GNAQ: variants seen among roughly 807,000 people sequenced by gnomAD.
GNAQ encodes the protein guanine nucleotide-binding protein G(q) subunit alpha.
A neutral mutation model predicts 43.9 loss-of-function variants in GNAQ; 8 were observed. The observed-to-expected ratio is 0.18, with a 90% confidence interval of 0.11 to 0.33. The LOEUF (loss-of-function observed/expected upper bound fraction) is 0.33, where lower values mean the gene tolerates loss of function less well. Ranked by LOEUF, GNAQ falls within the 10% of genes least tolerant of loss-of-function variation. The pLI, the probability that GNAQ is intolerant of heterozygous loss-of-function variation, is 1.00. For missense variants in GNAQ, 158 were observed against 450.8 expected, an observed-to-expected ratio of 0.35 and a Z score of 5.88; for synonymous variants, 155 against 170.7, an observed-to-expected ratio of 0.91 and a Z score of 0.71.
At chr9:77,800,770 C>A (rs573893621) in intron 3 of GNAQ, among the ~76,000 whole-genome samples, 1 of 151,942 alleles carries the variant, frequency 6.6e-6, no homozygotes, top group East Asian at 1.9e-4. Flanking sequence ...ACAACAACAA[C>A]AAAAATCAGA....
At chr9:77,762,046 G>A (rs1826041179) in intron 5 of GNAQ, among the ~76,000 whole-genome samples, 2 of 134,772 alleles carry the variant, frequency 1.5e-5, no homozygotes, top group South Asian at 2.4e-4. Flanking sequence ...CCCTCTGCCC[G>A]GCCAGCCGCC....
intron 5 of GNAQ, among the ~76,000 whole-genome samples, chr9:77,729,176 C>G (rs1350213432): frequency 6.6e-6 from 1 of 152,172 alleles, no homozygotes. Flanking sequence ...AGTTATTACT[C>G]TACACACACA....
intron 2 of GNAQ, among the ~76,000 whole-genome samples, chr9:77,851,612 G>A (rs1429190150): frequency 6.6e-6 from 1 of 152,114 alleles, no homozygotes; most frequent in Non-Finnish European, 1.5e-5. Context: ...ACGTATCTCT[G>A]CTCTAGTAAC....
intron 1 of GNAQ, among the ~76,000 whole-genome samples, chr9:77,987,261 G>C (rs1443921407): frequency 1.3e-5 from 2 of 152,050 alleles, no homozygotes; most frequent in African/African-American, 2.4e-5. Flanking sequence ...GTATCTCTTT[G>C]GGTCTGCAGA....
At chr9:77,808,322 ATCATCAGCATTCACCGAGGAAG>A (rs1826860134) in intron 3 of GNAQ, among the ~76,000 whole-genome samples, 1 of 151,382 alleles carries the variant, frequency 6.6e-6, no homozygotes, top group African/African-American at 2.4e-5. Flanking sequence ...ACATCTTAGA[ATCATCAGCATTCACCGAGGAAG>A]ACAAATGCAG....
At chr9:77,999,473 T>C (rs7044515) in intron 1 of GNAQ, among the ~76,000 whole-genome samples, 115,020 of 152,150 alleles carry the variant, frequency 0.76, 43,740 homozygotes, top group African/African-American at 0.81. Context: ...TTCAGTCACC[T>C]AAAGGAGTCA....
At chr9:77,990,423 T>C (rs1476709459) in intron 1 of GNAQ, among the ~76,000 whole-genome samples, 1 of 152,200 alleles carries the variant, frequency 6.6e-6, no homozygotes, top group Non-Finnish European at 1.5e-5. Flanking sequence ...AGTCTCACTA[T>C]GTTGCCTGGA....
At chr9:77,922,423 C>G (rs1829012713) in intron 1 of GNAQ, 78 bp from the exon 2 acceptor site, 1 of 984,460 alleles carries the variant, frequency 1.0e-6, no homozygotes, top group African/African-American at 1.6e-5. Context: ...AATACCATGC[C>G]TTGGATTTAA....
intron 5 of GNAQ, among the ~76,000 whole-genome samples, chr9:77,780,223 C>T (rs929640165): frequency 4.0e-5 from 6 of 151,810 alleles, no homozygotes; most frequent in African/African-American, 1.4e-4. Context: ...AGAACTTATT[C>T]CACCTATTTA....
chr9:77,842,794 G>C (rs775769313), intron 2 of GNAQ, among the ~76,000 whole-genome samples: 3 of 152,082 alleles, frequency 2.0e-5, no homozygotes, highest in Non-Finnish European at 4.4e-5. Context: ...ATGAACATAT[G>C]CATCTTTTAC....
chr9:77,966,204 A>C (rs1223290297), intron 1 of GNAQ, among the ~76,000 whole-genome samples: 1 of 152,166 alleles, frequency 6.6e-6, no homozygotes, highest in African/African-American at 2.4e-5. Flanking sequence ...AGGCACAGGC[A>C]ACCTTCAGGT....
chr9:77,776,190 T>C (rs765146396), intron 5 of GNAQ, among the ~76,000 whole-genome samples: 5 of 152,192 alleles, frequency 3.3e-5, no homozygotes, highest in Non-Finnish European at 5.9e-5. Flanking sequence ...AGCTCTGCAA[T>C]AGCCTAGAAA....
intron 2 of GNAQ, among the ~76,000 whole-genome samples, chr9:77,829,107 T>C (rs115672236): frequency 2.6e-5 from 4 of 152,288 alleles, no homozygotes; most frequent in Non-Finnish European, 4.4e-5. Flanking sequence ...GGGAAGCAGC[T>C]ATAATATTAT....
At chr9:77,859,850 T>C (rs1010736870) in intron 2 of GNAQ, among the ~76,000 whole-genome samples, 1 of 152,216 alleles carries the variant, frequency 6.6e-6, no homozygotes, top group Admixed American at 6.5e-5. Context: ...CTTACAGTTA[T>C]TCTTGGTCTC....
At chr9:77,812,326 C>T (rs180944386) in intron 3 of GNAQ, among the ~76,000 whole-genome samples, 1 of 152,288 alleles carries the variant, frequency 6.6e-6, no homozygotes. Context: ...GTGCCACTAC[C>T]CTAACGCCAT....
intron 1 of GNAQ, among the ~76,000 whole-genome samples, chr9:77,940,807 A>C (rs540394699): frequency 6.6e-6 from 1 of 152,048 alleles, no homozygotes; most frequent in African/African-American, 2.4e-5. Flanking sequence ...CTCTACTAAA[A>C]ATACAAAAAA....
At chr9:78,018,830 T>C (rs1823870387) in intron 1 of GNAQ, among the ~76,000 whole-genome samples, 1 of 152,184 alleles carries the variant, frequency 6.6e-6, no homozygotes, top group Non-Finnish European at 1.5e-5. Flanking sequence ...TAAAGAATAT[T>C]TTTAATAGAA....
intron 2 of GNAQ, among the ~76,000 whole-genome samples, chr9:77,862,562 T>G (rs549746671): frequency 6.6e-6 from 1 of 152,214 alleles, no homozygotes; most frequent in East Asian, 1.9e-4. Flanking sequence ...GTTCCTAGGG[T>G]GCAAACAGCA....
rs1222639786 is a variant in GNAQ, at chr9:77,922,148, G to A, written c.321+13C>T. On this transcript the variant is annotated intron_variant, in intron 2 of 6. Coordinates refer to ENST00000286548, the MANE Select transcript of GNAQ (RefSeq NM_002072.5). ...ACATTCAGCTGACTGCTCCAATGAA[G>A]AGTCGCACCTACCTTATTGTGCTCA... 1.9e-6 allele frequency: 3 copies of A among 1,586,674 alleles called. No homozygotes were observed. The highest frequency in any genetic ancestry group is 2.2e-5 in the East Asian group (1 of 44,626).
Sources: allele counts gnomAD v4.1 joint callset (sites outside exome capture counted in the v4.1 genomes callset), GRCh38; gene constraint gnomAD v4.1.1; transcripts MANE v1.5; gene names NCBI Gene and HGNC (gene_info 2026-07-23, HGNC 2026-07-21).